RMST: variants seen among roughly 807,000 people sequenced by gnomAD.
The protein encoded by RMST is long intergenic non-protein coding RNA 54.
At chr12:97,552,372 C>A (rs1409786279) in intron 11 of RMST, 2 of 152,168 alleles carry the variant, frequency 1.3e-5, no homozygotes, top group African/African-American at 2.4e-5. Context: ...TAAAATATTT[C>A]TTCAGGCATT....
chr12:97,527,962 T>A (rs1881277340), intron 10 of RMST, among the ~76,000 whole-genome samples: 1 of 151,974 alleles, frequency 6.6e-6, no homozygotes, highest in African/African-American at 2.4e-5. Flanking sequence ...TAATAAAAAA[T>A]AATAACTAAG....
chr12:97,499,011 G>T (rs1354497148), intron 10 of RMST, among the ~76,000 whole-genome samples: 2 of 152,282 alleles, frequency 1.3e-5, no homozygotes, highest in South Asian at 2.1e-4. Flanking sequence ...AATGGGTAAG[G>T]TTAGTTCTGC....
exon 10 of RMST, chr12:97,495,975 A>G (rs1877370137): frequency 6.6e-6 from 1 of 152,132 alleles, no homozygotes; most frequent in African/African-American, 2.4e-5. Flanking sequence ...GCGTGGCTAC[A>G]TTTTCCCAGT....
intron 10 of RMST, among the ~76,000 whole-genome samples, chr12:97,517,896 T>G (rs1342197200): frequency 6.6e-6 from 1 of 152,126 alleles, no homozygotes; most frequent in African/African-American, 2.4e-5. Context: ...AGTGGTTCCT[T>G]GAAATGGTGT....
chr12:97,515,959 A>G (rs1403684726), intron 10 of RMST, among the ~76,000 whole-genome samples: 2 of 151,950 alleles, frequency 1.3e-5, no homozygotes, highest in Non-Finnish European at 2.9e-5. Flanking sequence ...TTTCACATGT[A>G]TATATTTTGT....
intron 5 of RMST, among the ~76,000 whole-genome samples, chr12:97,478,489 C>T (rs1336840433): frequency 6.6e-6 from 1 of 152,144 alleles, no homozygotes; most frequent in African/African-American, 2.4e-5. Context: ...AGTGACAGAG[C>T]CAGGGAAGTC....
At chr12:97,509,294 A>G (rs185597939) in intron 10 of RMST, among the ~76,000 whole-genome samples, 103 of 152,298 alleles carry the variant, frequency 6.8e-4, no homozygotes, top group African/African-American at 2.2e-3. Context: ...TCAAACCTAT[A>G]ATTTACTGTT....
intron 11 of RMST, among the ~76,000 whole-genome samples, chr12:97,534,930 T>G (rs982592168): frequency 1.3e-5 from 2 of 151,774 alleles, no homozygotes; most frequent in Admixed American, 6.6e-5. Flanking sequence ...TTAATTTAAT[T>G]TTACAGAAAT....
chr12:97,499,867 C>G (rs1320977150), intron 10 of RMST, among the ~76,000 whole-genome samples: 1 of 152,000 alleles, frequency 6.6e-6, no homozygotes, highest in African/African-American at 2.4e-5. Context: ...CCATGTTGAC[C>G]AGGCTGGTTT....
intron 10 of RMST, among the ~76,000 whole-genome samples, chr12:97,529,082 AG>A (rs762456825): frequency 5.3e-5 from 8 of 152,104 alleles, no homozygotes; most frequent in Non-Finnish European, 8.8e-5. Flanking sequence ...ATATAGATAT[AG>A]ATATATAATT....
rs147783089 is a variant in RMST, at chr12:97,502,058, C to T, written n.1340+6002C>T. Among the ~76,000 whole-genome samples the T allele has an allele frequency of 1.0e-3, 157 of 152,138 alleles. 1 individual carries two copies. Among genetic ancestry groups the T allele is most frequent in the Non-Finnish European group, 1.8e-3 (124 of 68,012 alleles). On this transcript the variant is annotated intron_variant and non_coding_transcript_variant, in intron 10 of 13. Coordinates refer to ENST00000640149, the Ensembl canonical transcript of RMST. ...GATTAGAAGATCTGTTTGGACCAAT[C>T]ATTGCATTATATGTGTTGTAGTCAT...
chr12:97,503,333 G>A (rs576997484), intron 10 of RMST, among the ~76,000 whole-genome samples: 29 of 152,016 alleles, frequency 1.9e-4, no homozygotes, highest in Admixed American at 7.9e-4. Flanking sequence ...CAATTTTATC[G>A]ACGTGAACTT....
chr12:97,507,778 T>G (rs1481403829), intron 10 of RMST, among the ~76,000 whole-genome samples: 3 of 152,218 alleles, frequency 2.0e-5, no homozygotes, highest in East Asian at 3.8e-4. Context: ...GGAGGTAGTA[T>G]TTGTGAGGCT....
Position 97,464,339 on chromosome 12 carries a change from G to A in RMST, n.584+1050G>A, listed in dbSNP as rs181562202. Among the ~76,000 whole-genome samples the A allele has an allele frequency of 7.8e-4, 118 of 152,236 alleles. 1 individual carries two copies. Among genetic ancestry groups the A allele is most frequent in the Non-Finnish European group, 2.8e-4 (19 of 68,012 alleles). Reference sequence around the variant, plus strand: ...TACAACACATTGTTTAAATGAGGGGGACCGAAAAGCAGTCTGAATATGCAG... The same window carrying A: ...TACAACACATTGTTTAAATGAGGGGAACCGAAAAGCAGTCTGAATATGCAG... On this transcript the variant is annotated intron_variant and non_coding_transcript_variant, in intron 4 of 13. Transcript: ENST00000640149.
chr12:97,469,781 A>G (rs1004749212), intron 5 of RMST, among the ~76,000 whole-genome samples: 1 of 152,108 alleles, frequency 6.6e-6, no homozygotes, highest in African/African-American at 2.4e-5. Flanking sequence ...AAAGCCCTGT[A>G]CTTTATTGCC....
intron 10 of RMST, among the ~76,000 whole-genome samples, chr12:97,520,052 C>A (rs151274779): frequency 6.6e-6 from 1 of 152,140 alleles, no homozygotes; most frequent in Non-Finnish European, 1.5e-5. Flanking sequence ...AAAGTTCAAG[C>A]GCTTGGTAAA....
At chr12:97,555,651 A>G (rs180697639) in intron 11 of RMST, among the ~76,000 whole-genome samples, 12 of 152,352 alleles carry the variant, frequency 7.9e-5, no homozygotes, top group Admixed American at 6.5e-4. Flanking sequence ...ATTTTCATTT[A>G]TAAGATTGCC....
chr12:97,544,656 T>A (rs1350455131), intron 11 of RMST, among the ~76,000 whole-genome samples: 1 of 152,090 alleles, frequency 6.6e-6, no homozygotes, highest in Non-Finnish European at 1.5e-5. Context: ...ACCTTTCCTA[T>A]TGTCCTGCCA....
chr12:97,503,491 A>T (rs1015071734), intron 10 of RMST, among the ~76,000 whole-genome samples: 1 of 152,108 alleles, frequency 6.6e-6, no homozygotes, highest in African/African-American at 2.4e-5. Flanking sequence ...CTTATTAAAA[A>T]AAAATAAGCA....
Sources: gnomAD v4.1 joint callset for allele counts (sites outside exome capture counted in the v4.1 genomes callset) on GRCh38, gnomAD v4.1.1 for gene constraint, MANE v1.5 for transcripts, NCBI Gene and HGNC (gene_info 2026-07-23, HGNC 2026-07-21) for gene names.